The following MS4A12 variants were observed in gnomAD, a reference collection of about 807,000 sequenced individuals.
The protein encoded by MS4A12 is membrane-spanning 4-domains subfamily A member 12.
MS4A12 carries 28 observed loss-of-function variants against 23.7 expected under a neutral mutation model. That is an observed-to-expected ratio of 1.18 (90% confidence interval 0.88 to 1.62). The LOEUF (loss-of-function observed/expected upper bound fraction) is 1.62, where lower values mean the gene tolerates loss of function less well. MS4A12 is among the 40% of genes most tolerant of loss of function. MS4A12 has a pLI of 0.00. For missense variants in MS4A12, 342 were observed against 327.0 expected (o/e 1.05, Z -0.35); for synonymous variants, 108 against 110.1 (o/e 0.98, Z 0.12).
In MS4A12 at chr11:60,501,195, C is replaced by G. The variant is rs757576195; in HGVS notation, c.414+13C>G. 1 of 1,596,630 alleles carries G rather than the reference C, an allele frequency of 6.3e-7. No homozygotes were observed. Among genetic ancestry groups the G allele is most frequent in the Non-Finnish European group, 8.5e-7 (1 of 1,174,012 alleles). ...GGGTGGCCTTTCTGTGAGTAGATTG[C>G]TAGAACACCAGTCCTTCTTGGTTTA... On this transcript the variant is annotated intron_variant, in intron 3 of 6. Transcript: ENST00000016913.
chr11:60,495,948 G>A (rs549272606), intron 1 of MS4A12, among the ~76,000 whole-genome samples: 6 of 152,310 alleles, frequency 3.9e-5, no homozygotes, highest in South Asian at 2.1e-4. Context: ...AAAACAAGCT[G>A]CAAATGTCCA....
At chr11:60,503,065 C>A (rs1247126459) in intron 4 of MS4A12, among the ~76,000 whole-genome samples, 1 of 152,170 alleles carries the variant, frequency 6.6e-6, no homozygotes, top group Non-Finnish European at 1.5e-5. Flanking sequence ...TAGCAAGTCA[C>A]CTGCGGACTT....
chr11:60,505,892 A>C (rs1590864192), intron 5 of MS4A12, among the ~76,000 whole-genome samples: 1 of 152,124 alleles, frequency 6.6e-6, no homozygotes, highest in African/African-American at 2.4e-5. Context: ...ACAGGAATAA[A>C]CCTCCAGCCA....
chr11:60,505,992 G>A (rs964129392), intron 5 of MS4A12, among the ~76,000 whole-genome samples: 1 of 152,202 alleles, frequency 6.6e-6, no homozygotes, highest in African/African-American at 2.4e-5. Flanking sequence ...TGTGCTCGAA[G>A]CCAGCTAAGC....
Position 60,502,057 on chromosome 11 carries a change from T to A in MS4A12, c.471+18T>A. 1 of 1,597,066 alleles carries A rather than the reference T, an allele frequency of 6.3e-7. No homozygotes were observed. The highest frequency in any genetic ancestry group is 8.6e-7 in the Non-Finnish European group (1 of 1,165,010). ...GTTGTCTGGTAAGTTAGACTGTCTC[T>A]ACTTTTTGAACCCCTTTAAAGATTA... On this transcript the variant is annotated intron_variant, in intron 4 of 6. Coordinates refer to ENST00000016913, the MANE Select transcript of MS4A12 (RefSeq NM_017716.3).
intron 1 of MS4A12, among the ~76,000 whole-genome samples, chr11:60,495,298 T>A (rs1057368598): frequency 3.3e-5 from 5 of 151,556 alleles, no homozygotes; most frequent in East Asian, 1.9e-4. Context: ...AAAAAAAAAA[T>A]TCCTCTGTAA....
intron 4 of MS4A12, among the ~76,000 whole-genome samples, chr11:60,503,469 G>A (rs957842062): frequency 2.0e-5 from 3 of 152,072 alleles, no homozygotes; most frequent in Non-Finnish European, 4.4e-5. Flanking sequence ...ATGAGTGCCT[G>A]CTTTATATGA....
At position 60,501,116 on chromosome 11, in the gene MS4A12, T is replaced by C; in HGVS notation, c.348T>C (p.Phe116=). The change falls in exon 3 of 7, where the codon TTT becomes TTC. Residue 116 remains phenylalanine (F), a synonymous_variant. Coordinates refer to ENST00000016913, the MANE Select transcript of MS4A12 (RefSeq NM_017716.3). ...GIVLCLISFS[F]REVLGFASTA... ...TTTTGTGTTTAATATCCTTCTCTTT[T>C]AGAGAAGTATTAGGTTTTGCCTCTA... The C allele has an allele frequency of 6.2e-7, 1 of 1,613,604 alleles. No individual in the cohort carries two copies. Among genetic ancestry groups the C allele is most frequent in the Non-Finnish European group, 8.5e-7 (1 of 1,179,642 alleles).
intron 1 of MS4A12, among the ~76,000 whole-genome samples, chr11:60,496,354 T>G (rs116684682): frequency 0.022 from 3,373 of 152,342 alleles, 42 homozygotes; most frequent in Middle Eastern, 0.034. Flanking sequence ...ACAAATTTTT[T>G]AAGTGTCATA....
intron 4 of MS4A12, among the ~76,000 whole-genome samples, chr11:60,502,414 C>A (rs2086538039): frequency 6.6e-6 from 1 of 152,212 alleles, no homozygotes; most frequent in Non-Finnish European, 1.5e-5. Context: ...CTCTACTGTT[C>A]ATTTGCCACT....
chr11:60,503,798 G>A lies in MS4A12; in HGVS notation c.569G>A (p.Gly190Asp). 6.2e-7 allele frequency: 1 copy of A among 1,613,690 alleles called. No homozygotes were observed. Among genetic ancestry groups the A allele is most frequent in the Non-Finnish European group, 8.5e-7 (1 of 1,179,732 alleles). The change falls in exon 5 of 7, where the codon GGC becomes GAC. Residue 190 changes from glycine (G) to aspartate (D), a missense_variant. Physicochemically the swap from Gly to Asp is moderately conservative, Grantham distance 94 (BLOSUM62 -1). Transcript: ENST00000016913. ...GATATGTGCATCAATGGGGTAGCTG[G>A]CCAAGACTACTGGGCCGTGGTAAGT... ...LVDMCINGVA[G>D]QDYWAVLSGK...
chr11:60,498,449 G>C (rs1393231546), intron 2 of MS4A12, among the ~76,000 whole-genome samples: 1 of 152,132 alleles, frequency 6.6e-6, no homozygotes, highest in Non-Finnish European at 1.5e-5. Context: ...AAGCTGTGGA[G>C]GTGGCCCTTC....
At position 60,497,344 on chromosome 11, in the gene MS4A12, A is replaced by G. The variant is rs754017666; in HGVS notation, c.26A>G (p.His9Arg). The change falls in exon 2 of 7, where the codon CAT becomes CGT. Residue 9 changes from histidine (H) to arginine (R), a missense_variant. By Grantham distance (29) the His-to-Arg change is conservative. Coordinates refer to ENST00000016913, the MANE Select transcript of MS4A12 (RefSeq NM_017716.3). ...ATGATGTCATCCAAGCCAACAAGCC[A>G]TGCTGAAGTAAATGAAACCATACCC... Reference protein sequence around the residue: MMSSKPTSHAEVNETIPNP... With the variant: MMSSKPTSRAEVNETIPNP... 7 of 1,614,084 alleles carry G rather than the reference A, an allele frequency of 4.3e-6. No homozygotes were observed. The South Asian group carries it at 6.6e-5, about 15-fold the overall frequency.
chr11:60,501,900 A>G (rs2086533144), intron 3 of MS4A12, 83 bp from the exon 4 acceptor site: 1 of 1,311,848 alleles, frequency 7.6e-7, no homozygotes, highest in Non-Finnish European at 1.1e-6. Context: ...ATGAACATAA[A>G]TAGACCAACC....
intron 5 of MS4A12, among the ~76,000 whole-genome samples, chr11:60,505,289 T>C (rs1343068461): frequency 6.6e-6 from 1 of 151,988 alleles, no homozygotes; most frequent in Admixed American, 6.6e-5. Context: ...CCATTCACTG[T>C]CACAAGAACA....
chr11:60,500,942 C>T, intron 2 of MS4A12, 103 bp from the exon 3 acceptor site: 1 of 1,349,720 alleles, frequency 7.4e-7, no homozygotes, highest in Non-Finnish European at 1.0e-6. Flanking sequence ...AACGATGGAT[C>T]TCAGCAAAAT....
chr11:60,495,056 G>A (rs1182457910), intron 1 of MS4A12, among the ~76,000 whole-genome samples: 2 of 149,932 alleles, frequency 1.3e-5, no homozygotes, highest in South Asian at 2.1e-4. Flanking sequence ...GCAGTGGCAC[G>A]ATCTCGGCTC....
rs1590864945 is a variant in MS4A12, at chr11:60,507,054, A to C, written c.734A>C (p.Asn245Thr). Residue 245 changes from asparagine (N) to threonine (T), a missense_variant, in exon 7 of 7, where the codon AAC (asparagine) becomes ACC (threonine). Asn to Thr is a moderately conservative substitution (Grantham distance 65, BLOSUM62 0). Transcript: ENST00000016913. ...VLVIPNMYES[N>T]PVTPASSSAP... Reference sequence around the variant, plus strand: ...GTTATTCCAAATATGTATGAAAGCAACCCTGTGACACCAGCGTCTTCTTCA... The same window carrying C: ...GTTATTCCAAATATGTATGAAAGCACCCCTGTGACACCAGCGTCTTCTTCA... 1 of 1,613,986 alleles carries C rather than the reference A, an allele frequency of 6.2e-7. No homozygotes were observed. Among genetic ancestry groups the C allele is most frequent in the Non-Finnish European group, 8.5e-7 (1 of 1,179,894 alleles).
chr11:60,505,238 G>C lies in MS4A12; in HGVS notation c.588+1421G>C, dbSNP rs376545057. Among the ~76,000 whole-genome samples, 17 of 152,186 alleles carry C rather than the reference G, an allele frequency of 1.1e-4. No homozygotes were observed. In the East Asian group the frequency reaches 2.5e-3, roughly 22 times the overall value. On this transcript the variant is annotated intron_variant, in intron 5 of 6. Transcript: ENST00000016913. Reference sequence around the variant, plus strand: ...AGGCAAAAAAAATAGAGCTTGTGCAGGGCAACTCCTGTTTTTTAAAACCAT... The same window carrying C: ...AGGCAAAAAAAATAGAGCTTGTGCACGGCAACTCCTGTTTTTTAAAACCAT...
Sources: allele counts gnomAD v4.1 joint callset (sites outside exome capture counted in the v4.1 genomes callset), GRCh38; gene constraint gnomAD v4.1.1; transcripts MANE v1.5; gene names NCBI Gene and HGNC (gene_info 2026-07-23, HGNC 2026-07-21).